SEMA3E: variants seen among roughly 807,000 people sequenced by gnomAD.
SEMA3E encodes the protein semaphorin 3E.
Under a neutral mutation model 93.6 loss-of-function variants are expected in SEMA3E, and 49 were observed. The observed-to-expected ratio is 0.52, with a 90% CI of 0.42 to 0.66. The LOEUF is 0.66. Ranked by LOEUF, SEMA3E falls within the 30% of genes least tolerant of loss-of-function variation. The probability of loss-of-function intolerance (pLI) is 0.00; values close to 1 mark genes in which losing one functional copy is unlikely to be tolerated. For missense variants in SEMA3E, 906 were observed against 964.8 expected, an observed-to-expected ratio of 0.94 and a Z score of 0.81; for synonymous variants, 363 against 330.7, an observed-to-expected ratio of 1.10 and a Z score of -1.06.
intron 4 of SEMA3E, among the ~76,000 whole-genome samples, chr7:83,427,853 G>A (rs1367876578): frequency 6.6e-6 from 1 of 152,170 alleles, no homozygotes; most frequent in Non-Finnish European, 1.5e-5. Context: ...ACCCTATTGA[G>A]AATGTTGGTC....
At chr7:83,385,271 T>A (rs1406233517) in intron 16 of SEMA3E, 23 bp downstream of exon 16, 1 of 1,612,442 alleles carries the variant, frequency 6.2e-7, no homozygotes, top group Non-Finnish European at 8.5e-7. Flanking sequence ...ATACTATGTT[T>A]TGAATATGCA....
intron 1 of SEMA3E, among the ~76,000 whole-genome samples, chr7:83,623,354 G>A (rs918544453): frequency 5.3e-5 from 8 of 152,014 alleles, no homozygotes; most frequent in South Asian, 2.1e-4. Context: ...TCTCTAATCC[G>A]AGGCATAAAA....
intron 1 of SEMA3E, among the ~76,000 whole-genome samples, chr7:83,550,087 T>G (rs1181668888): frequency 6.6e-6 from 1 of 150,958 alleles, no homozygotes; most frequent in Non-Finnish European, 1.5e-5. Flanking sequence ...CACAAAAAAA[T>G]ATGTTAAAGA....
At chr7:83,386,925 A>C in intron 15 of SEMA3E, 58 bp downstream of exon 15, 2 of 1,431,664 alleles carry the variant, frequency 1.4e-6, no homozygotes, top group Non-Finnish European at 2.0e-6. Context: ...AGAAGTTTGT[A>C]GTTTATGTTC....
chr7:83,583,049 T>C (rs2058188087), intron 1 of SEMA3E, among the ~76,000 whole-genome samples: 1 of 152,140 alleles, frequency 6.6e-6, no homozygotes, highest in African/African-American at 2.4e-5. Flanking sequence ...AAAATTCTGA[T>C]AACACTAAAA....
In SEMA3E at chr7:83,407,108, G is replaced by A. The variant is rs769859383; in HGVS notation, c.802C>T (p.Arg268Ter). ...AGAGAAAGCCTCACCACACAGAGTC[G>A]CCCGACCCTGGTGTAAATTGCGTGA... ...NAHAIYTRVG[R>*]LCVNDVGGQR... The change falls in exon 7 of 17, where the codon CGA becomes TGA. Residue 268 changes from arginine to a stop codon, truncating the protein, a stop_gained. Transcript: ENST00000643230. LOFTEE classifies it high-confidence loss of function. 6 of 1,613,260 alleles carry A rather than the reference G, an allele frequency of 3.7e-6. No homozygotes were observed. The highest frequency in any genetic ancestry group is 1.7e-5 in the Admixed American group (1 of 59,894).
chr7:83,385,005 T>C (rs1022968425), intron 16 of SEMA3E, among the ~76,000 whole-genome samples: 5 of 151,690 alleles, frequency 3.3e-5, no homozygotes, highest in Non-Finnish European at 7.4e-5. Context: ...TCATGAGTTA[T>C]AAGTACCTCT....
chr7:83,601,623 G>A (rs1384458748), intron 1 of SEMA3E, among the ~76,000 whole-genome samples: 1 of 152,082 alleles, frequency 6.6e-6, no homozygotes, highest in Non-Finnish European at 1.5e-5. Context: ...TTGAGAGATA[G>A]CAATTAATGT....
At chr7:83,446,156 T>A (rs750513953) in intron 4 of SEMA3E, among the ~76,000 whole-genome samples, 1 of 152,206 alleles carries the variant, frequency 6.6e-6, no homozygotes, top group Admixed American at 6.5e-5. Flanking sequence ...GACTTTGGAT[T>A]TGAAATTTCA....
At chr7:83,422,002 A>C (rs1584237986) in intron 4 of SEMA3E, among the ~76,000 whole-genome samples, 2 of 152,044 alleles carry the variant, frequency 1.3e-5, no homozygotes, top group Admixed American at 1.3e-4. Flanking sequence ...AAATGAAGAA[A>C]TCCAGTCTCT....
intron 4 of SEMA3E, among the ~76,000 whole-genome samples, chr7:83,438,522 A>G (rs1304729945): frequency 1.3e-5 from 2 of 152,094 alleles, no homozygotes; most frequent in Non-Finnish European, 2.9e-5. Context: ...AGTTACACAC[A>G]TGCCTTCACT....
chr7:83,540,005 C>A (rs1171716771), intron 1 of SEMA3E, among the ~76,000 whole-genome samples: 1 of 151,848 alleles, frequency 6.6e-6, no homozygotes, highest in Non-Finnish European at 1.5e-5. Flanking sequence ...CTCAGTCTCC[C>A]AAGTAGCTGG....
chr7:83,551,306 C>T (rs1339428606), intron 1 of SEMA3E, among the ~76,000 whole-genome samples: 1 of 151,986 alleles, frequency 6.6e-6, no homozygotes, highest in Non-Finnish European at 1.5e-5. Flanking sequence ...GGAAAAATAA[C>T]AAAATATAGC....
chr7:83,577,632 A>G (rs1361104146), intron 1 of SEMA3E, among the ~76,000 whole-genome samples: 1 of 152,172 alleles, frequency 6.6e-6, no homozygotes, highest in Non-Finnish European at 1.5e-5. Flanking sequence ...AACTGGATGC[A>G]ATTGATATTG....
chr7:83,437,476 CATGA>C, intron 4 of SEMA3E, among the ~76,000 whole-genome samples: 1 of 151,956 alleles, frequency 6.6e-6, no homozygotes, highest in South Asian at 2.1e-4. Flanking sequence ...AAAAATCCTA[CATGA>C]ATAACATAAA....
At chr7:83,583,558 T>C (rs1319936052) in intron 1 of SEMA3E, among the ~76,000 whole-genome samples, 2 of 152,144 alleles carry the variant, frequency 1.3e-5, no homozygotes, top group Admixed American at 1.3e-4. Flanking sequence ...CCCATATTTA[T>C]TTGGCTAGCC....
intron 1 of SEMA3E, among the ~76,000 whole-genome samples, chr7:83,536,348 A>T (rs904262041): frequency 1.3e-5 from 2 of 152,150 alleles, no homozygotes; most frequent in Non-Finnish European, 2.9e-5. Context: ...TATGTTTCTC[A>T]TGTCAAATGT....
At chr7:83,472,667 C>T (rs761442773) in intron 2 of SEMA3E, among the ~76,000 whole-genome samples, 2 of 152,122 alleles carry the variant, frequency 1.3e-5, no homozygotes, top group African/African-American at 4.8e-5. Context: ...TGTTTCTCAC[C>T]GAAACACTCT....
intron 1 of SEMA3E, among the ~76,000 whole-genome samples, chr7:83,504,474 G>A (rs939970757): frequency 6.6e-6 from 1 of 152,120 alleles, no homozygotes; most frequent in African/African-American, 2.4e-5. Flanking sequence ...TACTGTAGTG[G>A]CTACAATGTG....
Sources: gnomAD v4.1 joint callset for allele counts (sites outside exome capture counted in the v4.1 genomes callset) on GRCh38, gnomAD v4.1.1 for gene constraint, MANE v1.5 for transcripts, NCBI Gene and HGNC (gene_info 2026-07-23, HGNC 2026-07-21) for gene names.